EDA2R: variants seen among roughly 807,000 people sequenced by gnomAD.
EDA2R encodes the protein tumor necrosis factor receptor superfamily member 27.
Under a neutral mutation model 20.1 loss-of-function variants are expected in EDA2R, and 26 were observed. The ratio of observed to expected loss-of-function variants is 1.30; its 90% confidence interval spans 0.95 to 1.80. The LOEUF is 1.80. Ranked by LOEUF, EDA2R falls within the 40% of genes most tolerant of loss-of-function variation. The probability of loss-of-function intolerance (pLI) is 0.00; values close to 1 mark genes in which losing one functional copy is unlikely to be tolerated. For synonymous variants in EDA2R, 114 were observed against 88.7 expected, an observed-to-expected ratio of 1.29 and a Z score of -1.60; for missense variants, 277 against 228.7, an observed-to-expected ratio of 1.21 and a Z score of -1.36.
At chrX:66,616,367 A>T (rs1355998867) in intron 1 of EDA2R, among the ~76,000 whole-genome samples, 1 of 112,584 alleles carries the variant, frequency 8.9e-6, no homozygotes, top group Non-Finnish European at 1.9e-5. Flanking sequence ...CTGAATTTGT[A>T]AAGAGAGTAA....
chrX:66,623,434 A>G (rs1932818796), intron 1 of EDA2R, among the ~76,000 whole-genome samples: 1 of 111,657 alleles, frequency 9.0e-6, no homozygotes, highest in South Asian at 3.8e-4. Context: ...TTTCACTCAT[A>G]ATATCACATA....
intron 2 of EDA2R, among the ~76,000 whole-genome samples, chrX:66,607,071 A>G (rs1420842168): frequency 8.9e-6 from 1 of 112,073 alleles, no homozygotes; most frequent in Non-Finnish European, 1.9e-5. Context: ...ATTCAAAAGT[A>G]TCCACATGGA....
chrX:66,628,182 G>T (rs971767296), intron 1 of EDA2R, among the ~76,000 whole-genome samples: 1 of 110,974 alleles, frequency 9.0e-6, no homozygotes, highest in Non-Finnish European at 1.9e-5. Flanking sequence ...CAGCAAAGGT[G>T]GTGCTAAGAG....
At chrX:66,600,403 A>G (rs1279331704) in intron 5 of EDA2R, among the ~76,000 whole-genome samples, 1 of 111,744 alleles carries the variant, frequency 8.9e-6, no homozygotes, top group Non-Finnish European at 1.9e-5. Context: ...GCCATGAGCC[A>G]AAGAATGTAA....
At chrX:66,630,485 A>C (rs751074651) in intron 1 of EDA2R, among the ~76,000 whole-genome samples, 20 of 111,431 alleles carry the variant, frequency 1.8e-4, no homozygotes, top group Non-Finnish European at 3.4e-4. Context: ...GAACTCAAAA[A>C]AATCAGGTAG....
intron 2 of EDA2R, among the ~76,000 whole-genome samples, chrX:66,611,970 A>G (rs1460897395): frequency 8.9e-6 from 1 of 111,947 alleles, no homozygotes; most frequent in East Asian, 2.8e-4. Context: ...ACCCATTCAA[A>G]TGATACGACA....
At chrX:66,635,229 T>C (rs770901064) in intron 1 of EDA2R, among the ~76,000 whole-genome samples, 35 of 111,944 alleles carry the variant, frequency 3.1e-4, no homozygotes, top group Non-Finnish European at 5.3e-4. Flanking sequence ...ATTTAGGAGA[T>C]TGCAGTCTGG....
intron 1 of EDA2R, among the ~76,000 whole-genome samples, chrX:66,633,617 G>GC (rs1163864757): frequency 9.0e-6 from 1 of 111,519 alleles, no homozygotes; most frequent in Non-Finnish European, 1.9e-5. Flanking sequence ...TTGGAGACAA[G>GC]CCCCAAGCCA....
chrX:66,598,962 C>A (rs752739428), intron 6 of EDA2R, among the ~76,000 whole-genome samples: 1 of 111,595 alleles, frequency 9.0e-6, no homozygotes, highest in Non-Finnish European at 1.9e-5. Flanking sequence ...CAGTTCTAGC[C>A]CACTAATTTG....
At chrX:66,609,922 C>T (rs1318848103) in intron 2 of EDA2R, among the ~76,000 whole-genome samples, 4 of 111,201 alleles carry the variant, frequency 3.6e-5, no homozygotes, top group Non-Finnish European at 7.5e-5. Flanking sequence ...AAAATTAAAA[C>T]CAAAAAGTAC....
chrX:66,624,257 G>C (rs556729726), intron 1 of EDA2R, among the ~76,000 whole-genome samples: 1 of 111,896 alleles, frequency 8.9e-6, no homozygotes, highest in Admixed American at 9.5e-5. Context: ...AGTGGCTCCC[G>C]CCTGGAATAC....
chrX:66,595,639 T>A lies in EDA2R; in HGVS notation c.*2465A>T, dbSNP rs1250742730. The A allele has an allele frequency of 8.9e-6, 1 of 112,213 alleles. No homozygotes were observed. The highest frequency in any genetic ancestry group is 2.8e-4 in the East Asian group (1 of 3,571). The allele number at this position is 112,213 out of a possible 1,213,427, so 9.2% of individuals were successfully genotyped here. On this transcript the variant is annotated 3_prime_UTR_variant, in exon 7 of 7. Coordinates refer to ENST00000374719, the MANE Select transcript of EDA2R (RefSeq NM_021783.5). ...TGAAAGTAGAGGAATAAACAAGGTT[T>A]TTGGATATATTTCTGTTTATTGGCC...
At chrX:66,617,144 T>C (rs1931835782) in intron 1 of EDA2R, among the ~76,000 whole-genome samples, 1 of 112,189 alleles carries the variant, frequency 8.9e-6, no homozygotes, top group African/African-American at 3.2e-5. Flanking sequence ...CCTAAATGTG[T>C]ACTCTTAGTC....
At chrX:66,604,661 C>T (rs1176716339) in intron 3 of EDA2R, among the ~76,000 whole-genome samples, 155 bp from the exon 4 acceptor site, 1 of 111,775 alleles carries the variant, frequency 8.9e-6, no homozygotes, top group East Asian at 2.8e-4. Context: ...CTTTTTCTGA[C>T]TCAGAGACCC....
chrX:66,599,728 A>T lies in EDA2R; in HGVS notation c.650T>A (p.Ile217Asn), dbSNP rs1380382858. The change falls in exon 6 of 7, where the codon ATC becomes AAC. Residue 217 changes from isoleucine (I) to asparagine (N), a missense_variant. Transcript: ENST00000374719. ...NIFQTQPLNP[I>N]LEDDCSSTSG... ...AGTCGAGCTGCAGTCGTCCTCGAGGATAGGGTTAAGTGGCTGGGTCTGAAA... is the reference window on the plus strand; with the variant it reads ...AGTCGAGCTGCAGTCGTCCTCGAGGTTAGGGTTAAGTGGCTGGGTCTGAAA... 2.5e-6 allele frequency: 3 copies of T among 1,209,951 alleles called. No individual in the cohort carries two copies. Among genetic ancestry groups the T allele is most frequent in the Non-Finnish European group, 3.4e-6 (3 of 894,920 alleles).
intron 1 of EDA2R, among the ~76,000 whole-genome samples, chrX:66,624,790 C>T (rs1434453275): frequency 9.0e-6 from 1 of 111,647 alleles, no homozygotes; most frequent in African/African-American, 3.3e-5. Context: ...TGGACTGCTC[C>T]TGCAGGACCC....
Position 66,613,970 on chromosome X carries a change from A to G in EDA2R, c.87+1964T>C, listed in dbSNP as rs139048155. On this transcript the variant is annotated intron_variant, in intron 2 of 6. Transcript: ENST00000374719. ...CACTGATTTCATTCTAGGTGGCATGAAGACTAGCCTCCAGAACGGATTCTT... is the reference window on the plus strand; with the variant it reads ...CACTGATTTCATTCTAGGTGGCATGGAGACTAGCCTCCAGAACGGATTCTT... 1.8e-4 allele frequency among the ~76,000 whole-genome samples: 20 copies of G among 111,714 alleles called. No individual in the cohort carries two copies. In the East Asian group the frequency reaches 5.1e-3, roughly 28 times the overall value.
At chrX:66,638,259 G>A (rs1934535851) in intron 1 of EDA2R, among the ~76,000 whole-genome samples, 2 of 111,429 alleles carry the variant, frequency 1.8e-5, no homozygotes, top group Admixed American at 1.9e-4. Flanking sequence ...GAACAGAGGA[G>A]TTATCTAGGG....
chrX:66,620,208 C>T (rs758363609), intron 1 of EDA2R, among the ~76,000 whole-genome samples: 32 of 112,070 alleles, frequency 2.9e-4, no homozygotes, highest in Non-Finnish European at 5.1e-4. Flanking sequence ...GTGTAGTATC[C>T]TATTGTATGG....
Sources: allele counts gnomAD v4.1 joint callset (sites outside exome capture counted in the v4.1 genomes callset), GRCh38; gene constraint gnomAD v4.1.1; transcripts MANE v1.5; gene names NCBI Gene and HGNC (gene_info 2026-07-23, HGNC 2026-07-21).